NCAM2: variants seen among roughly 807,000 people sequenced by gnomAD.
NCAM2 encodes the protein neural cell adhesion molecule 2, also known as N-CAM-2.
In NCAM2, 30 loss-of-function variants were observed where a neutral mutation model predicts 98.1. The ratio of observed to expected loss-of-function variants is 0.31; its 90% CI spans 0.23 to 0.41. NCAM2 has a LOEUF of 0.41. Among genes scored for constraint, NCAM2 ranks in the 10% least tolerant of loss-of-function variants. The pLI, the probability that NCAM2 is intolerant of heterozygous loss-of-function variation, is 1.00. For missense variants in NCAM2, 867 were observed against 1,005.8 expected, an observed-to-expected ratio of 0.86 and a Z score of 1.87; for synonymous variants, 368 against 342.4, an observed-to-expected ratio of 1.07 and a Z score of -0.83.
chr21:21,451,642 A>G (rs568587663), intron 12 of NCAM2, among the ~76,000 whole-genome samples: 1 of 152,250 alleles, frequency 6.6e-6, no homozygotes, highest in African/African-American at 2.4e-5. Context: ...AATATGTGCT[A>G]CTTCTACTGG....
At chr21:21,360,146 G>A (rs1292213024) in intron 8 of NCAM2, among the ~76,000 whole-genome samples, 1 of 151,788 alleles carries the variant, frequency 6.6e-6, no homozygotes, top group Non-Finnish European at 1.5e-5. Context: ...AGATAATACT[G>A]CTTTCACAAT....
intron 1 of NCAM2, among the ~76,000 whole-genome samples, chr21:21,079,066 G>A (rs1041136315): frequency 1.3e-5 from 2 of 152,128 alleles, no homozygotes; most frequent in Non-Finnish European, 2.9e-5. Flanking sequence ...AGAGCATCAG[G>A]ACAAATAGCT....
intron 1 of NCAM2, among the ~76,000 whole-genome samples, chr21:21,112,860 G>T (rs1368943278): frequency 1.3e-5 from 2 of 152,160 alleles, no homozygotes; most frequent in Non-Finnish European, 2.9e-5. Context: ...TATCTTTGAG[G>T]CTTCCTTAAA....
In NCAM2 at chr21:21,250,106, C is replaced by G. The variant is rs180778041; in HGVS notation, c.56-30472C>G. On this transcript the variant is annotated intron_variant, in intron 1 of 17. Coordinates refer to ENST00000400546, the MANE Select transcript of NCAM2 (RefSeq NM_004540.5). ...TATCTTCCTCCCAGGTAGTATTTAG[C>G]TTGATTAAAATGGACAGGTCAACAT... 1.5e-3 allele frequency among the ~76,000 whole-genome samples: 228 copies of G among 152,236 alleles called. 1 individual carries two copies. The highest frequency in any genetic ancestry group is 5.3e-3 in the African/African-American group (221 of 41,544).
intron 1 of NCAM2, among the ~76,000 whole-genome samples, chr21:21,096,539 TG>T (rs966595480): frequency 2.6e-5 from 4 of 151,802 alleles, no homozygotes; most frequent in East Asian, 1.9e-4. Context: ...AGAATTAAAA[TG>T]TTTTTTTCTC....
intron 1 of NCAM2, among the ~76,000 whole-genome samples, chr21:21,070,212 A>T (rs1019479648): frequency 6.6e-6 from 1 of 151,534 alleles, no homozygotes; most frequent in Non-Finnish European, 1.5e-5. Context: ...ACAAAAAATG[A>T]ACAACCCATT....
chr21:21,046,115 T>A (rs967466503), intron 1 of NCAM2, among the ~76,000 whole-genome samples: 22 of 152,168 alleles, frequency 1.4e-4, no homozygotes, highest in African/African-American at 5.1e-4. Context: ...GTGATATATG[T>A]AAAGCACTCC....
At chr21:21,285,866 T>C (rs1355504253) in intron 3 of NCAM2, among the ~76,000 whole-genome samples, 1 of 151,934 alleles carries the variant, frequency 6.6e-6, no homozygotes, top group African/African-American at 2.4e-5. Context: ...GAAAGGAATA[T>C]TGCTATTTTA....
intron 12 of NCAM2, among the ~76,000 whole-genome samples, chr21:21,446,711 TA>T (rs1334991077): frequency 6.6e-6 from 1 of 152,074 alleles, no homozygotes; most frequent in Non-Finnish European, 1.5e-5. Flanking sequence ...ACTCTGAGGA[TA>T]AAAAATTAAT....
At chr21:21,476,337 T>C (rs1029254532) in intron 14 of NCAM2, among the ~76,000 whole-genome samples, 1 of 152,072 alleles carries the variant, frequency 6.6e-6, no homozygotes, top group Non-Finnish European at 1.5e-5. Flanking sequence ...ATCGCTGTTA[T>C]TTTTTTAAGT....
intron 12 of NCAM2, among the ~76,000 whole-genome samples, chr21:21,434,746 G>C (rs149916192): frequency 2.0e-5 from 3 of 152,156 alleles, no homozygotes; most frequent in Non-Finnish European, 1.5e-5. Flanking sequence ...GTTCAGCCAT[G>C]CACAGTTTAA....
intron 13 of NCAM2, among the ~76,000 whole-genome samples, chr21:21,467,620 C>A (rs559648922): frequency 2.0e-5 from 3 of 151,620 alleles, no homozygotes; most frequent in South Asian, 2.1e-4. Flanking sequence ...CTGAGGCAGG[C>A]AGATCACTTG....
intron 1 of NCAM2, among the ~76,000 whole-genome samples, chr21:21,160,196 G>A (rs1051887888): frequency 1.3e-5 from 2 of 152,020 alleles, no homozygotes; most frequent in South Asian, 4.2e-4. Context: ...TCAGCGTGTG[G>A]ACATCATGTG....
At chr21:21,516,434 G>T (rs1207626544) in intron 16 of NCAM2, among the ~76,000 whole-genome samples, 2 of 151,608 alleles carry the variant, frequency 1.3e-5, no homozygotes, top group Admixed American at 6.6e-5. Flanking sequence ...AAAATGAAAC[G>T]CCATATGCCA....
chr21:21,009,099 T>G (rs6518019), intron 1 of NCAM2, among the ~76,000 whole-genome samples: 85,568 of 151,994 alleles, frequency 0.56, 24,565 homozygotes, highest in East Asian at 0.82. Flanking sequence ...TAGAGAGTTT[T>G]CTGTAAATTC....
At chr21:21,316,711 T>G (rs1405391217) in intron 5 of NCAM2, among the ~76,000 whole-genome samples, 6 of 152,004 alleles carry the variant, frequency 3.9e-5, no homozygotes, top group Admixed American at 3.9e-4. Context: ...GCTCAGCTAA[T>G]TTTTGTACTT....
At position 20,998,563 on chromosome 21, in the gene NCAM2, C is replaced by T. The variant is rs762983056; in HGVS notation, c.-1C>T. 1.1e-5 allele frequency: 17 copies of T among 1,613,996 alleles called. 1 individual carries two copies. Among genetic ancestry groups the T allele is most frequent in the South Asian group, 8.8e-5 (8 of 91,084 alleles). On this transcript the variant is annotated 5_prime_UTR_variant, in exon 1 of 18. Transcript: ENST00000400546. Reference sequence around the variant, plus strand: ...CTGTCCACCGGTGTCACGTCCTGAACATGAGCCTCCTCCTCTCCTTCTACC... The same window carrying T: ...CTGTCCACCGGTGTCACGTCCTGAATATGAGCCTCCTCCTCTCCTTCTACC...
chr21:21,477,106 A>G (rs1198512454), intron 14 of NCAM2, among the ~76,000 whole-genome samples, 185 bp from the exon 15 acceptor site: 2 of 152,130 alleles, frequency 1.3e-5, no homozygotes, highest in Non-Finnish European at 2.9e-5. Context: ...ATTATATTTT[A>G]TATAGAAAAA....
intron 1 of NCAM2, among the ~76,000 whole-genome samples, chr21:21,222,576 AAAG>A (rs2070214225): frequency 1.3e-5 from 2 of 152,154 alleles, no homozygotes; most frequent in Non-Finnish European, 1.5e-5. Context: ...GTGGAAATAA[AAAG>A]AGAACTATAG....
Sources: allele counts gnomAD v4.1 joint callset (sites outside exome capture counted in the v4.1 genomes callset), GRCh38; gene constraint gnomAD v4.1.1; transcripts MANE v1.5; gene names NCBI Gene and HGNC (gene_info 2026-07-23, HGNC 2026-07-21).